Variants in MEF2C observed in about 807,000 individuals in gnomAD.
MEF2C encodes myocyte enhancer factor 2C.
A neutral mutation model predicts 50.5 loss-of-function variants in MEF2C; 6 were observed. The observed-to-expected ratio is 0.12, with a 90% confidence interval of 0.07 to 0.23. The LOEUF is 0.23. MEF2C is among the 10% of genes least tolerant of loss of function. The pLI, the probability that MEF2C is intolerant of heterozygous loss-of-function variation, is 1.00. For missense variants in MEF2C, 276 were observed against 605.0 expected, an observed-to-expected ratio of 0.46 and a Z score of 5.70; for synonymous variants, 183 against 228.0, an observed-to-expected ratio of 0.80 and a Z score of 1.78.
At chr5:88,849,565 A>G (rs942414372) in intron 1 of MEF2C, among the ~76,000 whole-genome samples, 6 of 152,182 alleles carry the variant, frequency 3.9e-5, no homozygotes, top group African/African-American at 1.4e-4. Context: ...CTTTGTATCA[A>G]TCACATTCAT....
At chr5:88,820,546 C>A (rs567093023) in intron 2 of MEF2C, among the ~76,000 whole-genome samples, 43 of 152,040 alleles carry the variant, frequency 2.8e-4, no homozygotes, top group African/African-American at 9.9e-4. Flanking sequence ...GTCAGTATTT[C>A]TTTTTCTGGA....
At chr5:88,754,699 C>T (rs559517628) in intron 4 of MEF2C, among the ~76,000 whole-genome samples, 62 of 152,282 alleles carry the variant, frequency 4.1e-4, no homozygotes, top group African/African-American at 1.4e-3. Flanking sequence ...TTACCTGCTC[C>T]GGTCCTTGCC....
chr5:88,734,565 GT>G lies in MEF2C; in HGVS notation c.638-2665del, dbSNP rs66505441. 5.4e-3 allele frequency: 2,921 copies of G among 540,830 alleles called. 11 individuals are homozygous for G. Among genetic ancestry groups the G allele is most frequent in the South Asian group, 5.8e-3 (57 of 9,804 alleles). The allele number at this position is 540,830 out of a possible 1,614,324, so 33.5% of individuals were successfully genotyped here. ...TTCACGGAGGCCTTGAGAAAAGTTT[GT>G]TTTTTTTTTTTTTTTTTTTTTTTTT... On this transcript the variant is annotated intron_variant, in intron 6 of 10. Coordinates refer to ENST00000504921, the MANE Select transcript of MEF2C (RefSeq NM_002397.5).
chr5:88,771,014 G>A (rs1429148752), intron 3 of MEF2C, among the ~76,000 whole-genome samples: 1 of 152,240 alleles, frequency 6.6e-6, no homozygotes, highest in East Asian at 1.9e-4. Context: ...GAAGGCAGAG[G>A]AGAAGCAAAG....
intron 1 of MEF2C, among the ~76,000 whole-genome samples, chr5:88,888,648 C>G (rs1179165965): frequency 2.6e-5 from 4 of 151,706 alleles, no homozygotes; most frequent in African/African-American, 9.7e-5. Flanking sequence ...AATCATAATA[C>G]ACATCTCCCA....
chr5:88,801,870 C>G (rs1798519831), intron 3 of MEF2C, among the ~76,000 whole-genome samples: 1 of 152,136 alleles, frequency 6.6e-6, no homozygotes, highest in Non-Finnish European at 1.5e-5. Context: ...TTCAGTGATG[C>G]AGCACTTTGA....
At chr5:88,883,185 G>A (rs1223083240), upstream of MEF2C, 3 of 149,690 alleles carry the variant, frequency 2.0e-5, no homozygotes, top group African/African-American at 7.3e-5. Context: ...CTGTGACTGC[G>A]AGCAGAGCGA....
intron 2 of MEF2C, among the ~76,000 whole-genome samples, chr5:88,813,532 C>T (rs1019995825): frequency 7.9e-5 from 12 of 152,024 alleles, no homozygotes; most frequent in African/African-American, 2.7e-4. Flanking sequence ...GGTAACTGTT[C>T]TTGCACCTTG....
intron 3 of MEF2C, among the ~76,000 whole-genome samples, chr5:88,781,684 T>C (rs1788118310): frequency 6.6e-6 from 1 of 152,132 alleles, no homozygotes; most frequent in Admixed American, 6.5e-5. Context: ...AAAGTGCACA[T>C]GTCCTGGCTG....
chr5:88,717,344 C>G lies in MEF2C; in HGVS notation c.*5260G>C, dbSNP rs1755093358. 1 of 152,196 alleles carries G rather than the reference C, an allele frequency of 6.6e-6. No homozygotes were observed. The highest frequency in any genetic ancestry group is 2.4e-5 in the African/African-American group (1 of 41,438). The allele number at this position is 152,196 out of a possible 1,614,324, so 9.4% of individuals were successfully genotyped here. ...AGTGTCCATGCTCTGAGCCTCTGGT[C>G]TGCTCTGCCCCAGGATGGCCAAAGT... On this transcript the variant is annotated 3_prime_UTR_variant, in exon 11 of 11. Transcript: ENST00000504921.
intron 4 of MEF2C, 63 bp downstream of exon 4, chr5:88,761,122 A>G (rs773015421): frequency 3.7e-6 from 6 of 1,613,974 alleles, no homozygotes; most frequent in Non-Finnish European, 5.1e-6. Flanking sequence ...TTCTTGTTCA[A>G]TGCCTGCCAG....
At chr5:88,767,944 G>A (rs567495090) in intron 3 of MEF2C, among the ~76,000 whole-genome samples, 1 of 152,322 alleles carries the variant, frequency 6.6e-6, no homozygotes, top group South Asian at 2.1e-4. Context: ...CCCACAGTGG[G>A]TGAGGAATAA....
At chr5:88,824,445 T>C in intron 1 of MEF2C, 1 of 688,138 alleles carries the variant, frequency 1.5e-6, no homozygotes. Context: ...TATATGTAAA[T>C]GTCAACTAAT....
chr5:88,863,860 C>G (rs1435259152), intron 1 of MEF2C, among the ~76,000 whole-genome samples: 1 of 147,100 alleles, frequency 6.8e-6, no homozygotes, highest in Non-Finnish European at 1.5e-5. Flanking sequence ...CTCGCTCTGT[C>G]TCTCAGGTTG....
intron 1 of MEF2C, among the ~76,000 whole-genome samples, chr5:88,869,260 T>C (rs975118377): frequency 4.8e-5 from 3 of 62,132 alleles, no homozygotes; most frequent in Non-Finnish European, 9.2e-5. Flanking sequence ...TTCATATATA[T>C]ATATATATAT....
chr5:88,791,603 C>T (rs550954622), intron 3 of MEF2C, among the ~76,000 whole-genome samples: 6 of 151,840 alleles, frequency 4.0e-5, no homozygotes, highest in Non-Finnish European at 8.8e-5. Context: ...AGCAGCTCTT[C>T]GTGTTTATAA....
chr5:88,820,495 C>T (rs1184336416), intron 2 of MEF2C, among the ~76,000 whole-genome samples: 2 of 152,000 alleles, frequency 1.3e-5, no homozygotes, highest in Non-Finnish European at 2.9e-5. Flanking sequence ...TGATATACAA[C>T]TTATAACATC....
intron 3 of MEF2C, among the ~76,000 whole-genome samples, chr5:88,794,612 G>A (rs1022723524): frequency 6.6e-6 from 1 of 152,042 alleles, no homozygotes; most frequent in African/African-American, 2.4e-5. Context: ...TCTGATGATC[G>A]TTTCTTCTGC....
At chr5:88,746,466 AG>A in intron 6 of MEF2C, 1 of 942,880 alleles carries the variant, frequency 1.1e-6, no homozygotes, top group Non-Finnish European at 1.3e-6. Flanking sequence ...TAACAAAGTG[AG>A]ATGACTTGAT....
Sources: gnomAD v4.1 joint callset for allele counts (sites outside exome capture counted in the v4.1 genomes callset) on GRCh38, gnomAD v4.1.1 for gene constraint, MANE v1.5 for transcripts, NCBI Gene and HGNC (gene_info 2026-07-23, HGNC 2026-07-21) for gene names.